The following STOX2 variants were observed in gnomAD, a reference collection of about 807,000 sequenced individuals.
The protein encoded by STOX2 is storkhead-box protein 2.
Under a neutral mutation model 60.9 loss-of-function variants are expected in STOX2, and 28 were observed. The observed-to-expected ratio is 0.46, with a 90% CI of 0.34 to 0.63. The LOEUF (loss-of-function observed/expected upper bound fraction) is 0.63, where lower values mean the gene tolerates loss of function less well. STOX2 is among the 30% of genes least tolerant of loss of function. The pLI is 0.01. For synonymous variants in STOX2, 472 were observed against 463.9 expected, an observed-to-expected ratio of 1.02 and a Z score of -0.22; for missense variants, 1,024 against 1,187.7, an observed-to-expected ratio of 0.86 and a Z score of 2.03.
At chr4:183,851,086 G>A (rs1204369269) in intron 1 of STOX2, among the ~76,000 whole-genome samples, 1 of 100,256 alleles carries the variant, frequency 1.0e-5, no homozygotes, top group African/African-American at 3.7e-5. Flanking sequence ...ATGAGAGAAA[G>A]GATGAGGGAA....
At chr4:183,851,098 C>T (rs374508563) in intron 1 of STOX2, among the ~76,000 whole-genome samples, 1 of 12,102 alleles carries the variant, frequency 8.3e-5, no homozygotes, top group Non-Finnish European at 1.6e-4. Flanking sequence ...ATGAGGGAAA[C>T]GATGAGGGAA....
At chr4:183,835,402 T>G (rs1228870945) in intron 1 of STOX2, among the ~76,000 whole-genome samples, 1 of 152,004 alleles carries the variant, frequency 6.6e-6, no homozygotes, top group Non-Finnish European at 1.5e-5. Context: ...TTTTTTGTAT[T>G]TTTAGTAGAG....
intron 1 of STOX2, among the ~76,000 whole-genome samples, chr4:183,985,110 T>C (rs1269161472): frequency 6.6e-6 from 1 of 152,118 alleles, no homozygotes; most frequent in Non-Finnish European, 1.5e-5. Flanking sequence ...TTAGGGGTCA[T>C]AGACCCCAGC....
At chr4:183,986,793 C>G (rs970059947) in intron 1 of STOX2, among the ~76,000 whole-genome samples, 1 of 152,200 alleles carries the variant, frequency 6.6e-6, no homozygotes, top group Non-Finnish European at 1.5e-5. Context: ...AGAGCCTGAG[C>G]TCTGTTGGGG....
chr4:183,798,888 G>GAGTCC, intron 1 of STOX2: 2 of 360,978 alleles, frequency 5.5e-6, no homozygotes, highest in Non-Finnish European at 6.7e-6. Context: ...TTTGTACTTT[G>GAGTCC]GGTTTTATAC....
At chr4:183,978,942 T>A (rs1732545788) in intron 1 of STOX2, among the ~76,000 whole-genome samples, 1 of 152,122 alleles carries the variant, frequency 6.6e-6, no homozygotes, top group African/African-American at 2.4e-5. Flanking sequence ...AGGCCTCAAT[T>A]TTGTATATGT....
intron 3 of STOX2, among the ~76,000 whole-genome samples, chr4:184,012,811 T>C (rs1261754284): frequency 6.6e-6 from 1 of 152,246 alleles, no homozygotes; most frequent in Non-Finnish European, 1.5e-5. Flanking sequence ...GTGGCTTTTC[T>C]AAGAAATCAT....
At chr4:183,908,674 A>G (rs1464778864) in intron 1 of STOX2, among the ~76,000 whole-genome samples, 2 of 143,836 alleles carry the variant, frequency 1.4e-5, no homozygotes, top group South Asian at 2.2e-4. Context: ...CTTGTCTGCT[A>G]TTGCAGGTGC....
intron 1 of STOX2, among the ~76,000 whole-genome samples, chr4:183,841,114 C>A (rs528171691): frequency 6.6e-6 from 1 of 152,156 alleles, no homozygotes; most frequent in African/African-American, 2.4e-5. Context: ...GTGATCTGCC[C>A]GCCCCGACCT....
intron 1 of STOX2, among the ~76,000 whole-genome samples, chr4:183,871,268 C>T (rs147238415): frequency 1.3e-5 from 2 of 152,278 alleles, no homozygotes; most frequent in Non-Finnish European, 2.9e-5. Context: ...ATTCTTTGTC[C>T]TCTCCTTGGC....
chr4:184,003,946 TG>T (rs562840172), intron 2 of STOX2, among the ~76,000 whole-genome samples: 236 of 103,222 alleles, frequency 2.3e-3, no homozygotes, highest in Non-Finnish European at 3.6e-3. Context: ...TTCCTTCCTT[TG>T]ATTTTTTTTT....
chr4:183,977,873 T>C (rs28866914), intron 1 of STOX2, among the ~76,000 whole-genome samples: 1 of 152,164 alleles, frequency 6.6e-6, no homozygotes, highest in Non-Finnish European at 1.5e-5. Flanking sequence ...GTTTTTCATA[T>C]GTCTGTTGGC....
Position 183,825,038 on chromosome 4 carries a change from T to G in STOX2, c.364+26983T>G, listed in dbSNP as rs1739389647. On this transcript the variant is annotated intron_variant, in intron 1 of 2. Coordinates refer to the STOX2 transcript ENST00000513034. This position sits in a 1 kb window ranked among gnomAD's most constrained non-coding sequence, Gnocchi z 4.1. ...CCTATCTCCTCACACAATCTTGGGCTTGGGGATCGGGGAGGAACATGGTGG... is the reference window on the plus strand; with the variant it reads ...CCTATCTCCTCACACAATCTTGGGCGTGGGGATCGGGGAGGAACATGGTGG... Among the ~76,000 whole-genome samples the G allele has an allele frequency of 1.3e-5, 2 of 152,160 alleles. No homozygotes were observed. The highest frequency in any genetic ancestry group is 1.3e-4 in the Admixed American group (2 of 15,278).
chr4:183,994,156 G>A (rs1207254134), intron 1 of STOX2, among the ~76,000 whole-genome samples: 2 of 152,212 alleles, frequency 1.3e-5, no homozygotes, highest in Non-Finnish European at 2.9e-5. Flanking sequence ...AAAACTTGGC[G>A]AAAGAATCGT....
intron 1 of STOX2, among the ~76,000 whole-genome samples, chr4:183,887,518 T>C (rs934596511): frequency 6.6e-6 from 1 of 152,230 alleles, no homozygotes; most frequent in African/African-American, 2.4e-5. Context: ...ATATCCCTAC[T>C]AATGAAGGAC....
intron 1 of STOX2, among the ~76,000 whole-genome samples, chr4:183,841,471 C>T (rs1469765807): frequency 6.6e-6 from 1 of 152,088 alleles, no homozygotes; most frequent in Non-Finnish European, 1.5e-5. Context: ...CCTCGGCCTC[C>T]CAAAGTTCTG....
chr4:183,937,177 A>C (rs1742613455), intron 1 of STOX2, among the ~76,000 whole-genome samples: 2 of 152,224 alleles, frequency 1.3e-5, no homozygotes, highest in Non-Finnish European at 2.9e-5. Context: ...GTCACGGCCT[A>C]CCTAAGAGAA....
chr4:183,800,932 C>T (rs760916145), intron 1 of STOX2, among the ~76,000 whole-genome samples: 7 of 152,168 alleles, frequency 4.6e-5, no homozygotes, highest in African/African-American at 1.4e-4. Flanking sequence ...AGGCAAGCCC[C>T]GGTGCTTTTG....
upstream of STOX2, among the ~76,000 whole-genome samples, chr4:183,901,283 A>G (rs1741453067): frequency 6.6e-6 from 1 of 152,172 alleles, no homozygotes; most frequent in Non-Finnish European, 1.5e-5. Context: ...TTATATGTAT[A>G]TATTGCATTT....
Sources: gnomAD v4.1 joint callset for allele counts (sites outside exome capture counted in the v4.1 genomes callset) on GRCh38, gnomAD v4.1.1 for gene constraint, Gnocchi (gnomAD v3.1) non-coding constraint, MANE v1.5 for transcripts, NCBI Gene and HGNC (gene_info 2026-07-23, HGNC 2026-07-21) for gene names.